UBE2E3: variants seen among roughly 807,000 people sequenced by gnomAD.
UBE2E3 encodes the protein ubiquitin-conjugating enzyme E2 E3.
Under a neutral mutation model 23.6 loss-of-function variants are expected in UBE2E3, and 5 were observed. The observed-to-expected ratio is 0.21, with a 90% CI of 0.11 to 0.44. The LOEUF is 0.44. Ranked by LOEUF, UBE2E3 falls within the 20% of genes least tolerant of loss-of-function variation. UBE2E3 has a pLI of 0.99. For synonymous variants in UBE2E3, 78 were observed against 87.5 expected (o/e 0.89, Z 0.60); for missense variants, 81 against 249.8 (o/e 0.32, Z 4.55).
chr2:180,991,875 C>T (rs952120947), intron 3 of UBE2E3, among the ~76,000 whole-genome samples: 2 of 152,138 alleles, frequency 1.3e-5, no homozygotes, highest in African/African-American at 2.4e-5. Flanking sequence ...GAATGAGGTA[C>T]GATTTAAAAC....
At chr2:180,981,914 G>C in intron 1 of UBE2E3, 104 bp from the exon 2 acceptor site, 1 of 845,964 alleles carries the variant, frequency 1.2e-6, no homozygotes, top group East Asian at 2.6e-5. Flanking sequence ...CACTTTTGAA[G>C]CTTTTTCATT....
intron 3 of UBE2E3, among the ~76,000 whole-genome samples, chr2:181,039,029 A>G (rs1420674538): frequency 4.6e-5 from 7 of 151,838 alleles, no homozygotes; most frequent in Non-Finnish European, 8.8e-5. Flanking sequence ...CTATAAACAT[A>G]CACTTACTAC....
chr2:181,011,623 G>C (rs1279191808), intron 3 of UBE2E3, among the ~76,000 whole-genome samples: 1 of 152,136 alleles, frequency 6.6e-6, no homozygotes, highest in African/African-American at 2.4e-5. Flanking sequence ...TGGTATAGAA[G>C]TGCCATTTTA....
chr2:180,990,250 C>T (rs755403171), intron 3 of UBE2E3, among the ~76,000 whole-genome samples: 23 of 152,150 alleles, frequency 1.5e-4, no homozygotes, highest in Non-Finnish European at 2.8e-4. Context: ...AGGGGGCTAC[C>T]ACTGACATTA....
At chr2:181,005,470 G>T (rs1685122634) in intron 3 of UBE2E3, among the ~76,000 whole-genome samples, 1 of 152,194 alleles carries the variant, frequency 6.6e-6, no homozygotes, top group Non-Finnish European at 1.5e-5. Flanking sequence ...GAGAAGGGGT[G>T]CAAAGGTGAA....
intron 3 of UBE2E3, among the ~76,000 whole-genome samples, chr2:180,986,210 G>A (rs1454663374): frequency 6.6e-6 from 1 of 152,062 alleles, no homozygotes; most frequent in Non-Finnish European, 1.5e-5. Flanking sequence ...CAGTTCTCAG[G>A]TTCTTTTAAT....
intron 3 of UBE2E3, among the ~76,000 whole-genome samples, chr2:181,000,175 A>G (rs1167042310): frequency 6.6e-6 from 1 of 152,228 alleles, no homozygotes; most frequent in Non-Finnish European, 1.5e-5. Context: ...GGTGTTCAGA[A>G]TAAGACTCAC....
chr2:180,987,268 ATT>A (rs200301079), intron 3 of UBE2E3: 1 of 1,501,162 alleles, frequency 6.7e-7, no homozygotes, highest in Non-Finnish European at 9.0e-7. Flanking sequence ...ATTTGTATTT[ATT>A]GAGAATTGTT....
At chr2:180,990,437 T>C (rs74464760) in intron 3 of UBE2E3, among the ~76,000 whole-genome samples, 6,349 of 152,300 alleles carry the variant, frequency 0.042, 188 homozygotes, top group African/African-American at 0.076. Context: ...ACTGTTTTCC[T>C]GTCTTATTAG....
intron 3 of UBE2E3, among the ~76,000 whole-genome samples, chr2:181,037,403 C>T (rs918938550): frequency 2.0e-5 from 3 of 152,018 alleles, no homozygotes; most frequent in Admixed American, 2.0e-4. Flanking sequence ...TGTTATTGCT[C>T]ATGAGGACCC....
intron 3 of UBE2E3, among the ~76,000 whole-genome samples, chr2:181,043,572 CTG>C (rs2105464712): frequency 6.6e-6 from 1 of 152,250 alleles, no homozygotes; most frequent in South Asian, 2.1e-4. Flanking sequence ...GTTAACACTT[CTG>C]GTCCTAAGCA....
chr2:181,039,071 T>A (rs1398395353), intron 3 of UBE2E3, among the ~76,000 whole-genome samples: 1 of 147,426 alleles, frequency 6.8e-6, no homozygotes, highest in Non-Finnish European at 1.5e-5. Context: ...TTAAATTACA[T>A]CCTCCAAAAT....
intron 3 of UBE2E3, among the ~76,000 whole-genome samples, chr2:181,038,790 T>A (rs1686381578): frequency 2.0e-5 from 3 of 152,214 alleles, no homozygotes; most frequent in Admixed American, 1.3e-4. Flanking sequence ...TGAATAGAGA[T>A]GTTACTGATG....
chr2:181,028,087 A>G (rs1182083828), intron 3 of UBE2E3, among the ~76,000 whole-genome samples: 2 of 152,050 alleles, frequency 1.3e-5, no homozygotes, highest in Non-Finnish European at 2.9e-5. Flanking sequence ...TATAAAAATA[A>G]TGGTTTCTGA....
At chr2:180,987,285 A>T (rs774574122) in intron 3 of UBE2E3, 151 of 1,536,468 alleles carry the variant, frequency 9.8e-5, no homozygotes, top group Non-Finnish European at 1.3e-4. Context: ...ATTGTTGACT[A>T]GAATTGTTTA....
intron 3 of UBE2E3, among the ~76,000 whole-genome samples, chr2:181,035,570 G>A (rs1351588256): frequency 6.6e-6 from 1 of 152,112 alleles, no homozygotes; most frequent in East Asian, 1.9e-4. Flanking sequence ...TAATATATTA[G>A]TAATGATACA....
intron 3 of UBE2E3, among the ~76,000 whole-genome samples, chr2:181,038,299 C>T (rs1686363786): frequency 6.6e-6 from 1 of 152,130 alleles, no homozygotes; most frequent in Admixed American, 6.5e-5. Context: ...GAGTTTGTAG[C>T]CTGGGAGCAA....
At chr2:181,034,536 G>GT (rs1686202204) in intron 3 of UBE2E3, among the ~76,000 whole-genome samples, 1 of 152,196 alleles carries the variant, frequency 6.6e-6, no homozygotes, top group Non-Finnish European at 1.5e-5. Flanking sequence ...GTGGGGTGGG[G>GT]GGAGCGGGGA....
chr2:181,023,843 C>T (rs1685785294), intron 3 of UBE2E3, among the ~76,000 whole-genome samples: 2 of 152,130 alleles, frequency 1.3e-5, no homozygotes, highest in African/African-American at 2.4e-5. Context: ...ATGGAAAGTT[C>T]ATAAACTGGT....
Sources: gnomAD v4.1 joint callset for allele counts (sites outside exome capture counted in the v4.1 genomes callset) on GRCh38, gnomAD v4.1.1 for gene constraint, MANE v1.5 for transcripts, NCBI Gene and HGNC (gene_info 2026-07-23, HGNC 2026-07-21) for gene names.